ROCK2: variants seen among roughly 807,000 people sequenced by gnomAD.
The protein encoded by ROCK2 is rho-associated protein kinase 2.
Under a neutral mutation model 195.1 loss-of-function variants are expected in ROCK2, and 61 were observed. The ratio of observed to expected loss-of-function variants is 0.31; its 90% confidence interval spans 0.25 to 0.39. The LOEUF (loss-of-function observed/expected upper bound fraction) is 0.39. Among genes scored for constraint, ROCK2 ranks in the 10% least tolerant of loss-of-function variants. ROCK2 has a pLI of 1.00. For synonymous variants in ROCK2, 504 were observed against 545.5 expected (o/e 0.92, Z 1.06); for missense variants, 1,109 against 1,637.4 (o/e 0.68, Z 5.57).
intron 4 of ROCK2, 82 bp from the exon 5 acceptor site, chr2:11,236,044 A>G (rs1665192146): frequency 1.6e-6 from 2 of 1,266,582 alleles, no homozygotes; most frequent in South Asian, 4.2e-5. Context: ...AAAAACTATT[A>G]TTACTATTGA....
rs922185550 is a variant in ROCK2, at chr2:11,181,721, T to G, written c.*1716A>C. The G allele has an allele frequency of 3.4e-5, 5 of 145,572 alleles. No individual in the cohort carries two copies. Among genetic ancestry groups the G allele is most frequent in the African/African-American group, 5.0e-5 (2 of 39,768 alleles). The allele number at this position is 145,572 out of a possible 1,614,324, so 9.0% of individuals were successfully genotyped here. A position where few individuals can be genotyped will look rare whatever the true frequency, so the allele number is the denominator to read the frequency against. On this transcript the variant is annotated 3_prime_UTR_variant, in exon 33 of 33. Coordinates refer to ENST00000315872, the MANE Select transcript of ROCK2 (RefSeq NM_004850.5). The stretch of plus-strand genomic sequence containing the variant: ...CGATCTTCGCTCACTGCAACCACCG[T>G]CTCCTGGGTTCAAGCGATTCTCCTG...
chr2:11,272,763 G>A (rs79912720), intron 3 of ROCK2, among the ~76,000 whole-genome samples: 6,449 of 151,700 alleles, frequency 0.043, 277 homozygotes, highest in Non-Finnish European at 0.06. Flanking sequence ...CCAGCTACTC[G>A]GGAGGCTGAG....
chr2:11,317,915 T>A (rs1668276244), intron 1 of ROCK2, among the ~76,000 whole-genome samples: 1 of 151,890 alleles, frequency 6.6e-6, no homozygotes, highest in South Asian at 2.1e-4. Context: ...GGTTCCCAGC[T>A]TCATCCATGT....
At chr2:11,229,383 C>T (rs1337709930) in intron 5 of ROCK2, among the ~76,000 whole-genome samples, 2 of 151,644 alleles carry the variant, frequency 1.3e-5, no homozygotes, top group Non-Finnish European at 2.9e-5. Flanking sequence ...TTTAAATGAA[C>T]TGTGAGAAGG....
chr2:11,308,839 A>G, intron 1 of ROCK2: 1 of 1,611,706 alleles, frequency 6.2e-7, no homozygotes. Context: ...CAAATGTAAT[A>G]GAACTATACA....
chr2:11,220,429 G>T (rs1471054064), intron 9 of ROCK2, among the ~76,000 whole-genome samples: 2 of 152,012 alleles, frequency 1.3e-5, no homozygotes, highest in East Asian at 3.9e-4. Flanking sequence ...GATTACATGT[G>T]TGAATCACCA....
chr2:11,297,270 G>T (rs1268925394), intron 1 of ROCK2, among the ~76,000 whole-genome samples: 1 of 151,788 alleles, frequency 6.6e-6, no homozygotes, highest in African/African-American at 2.4e-5. Flanking sequence ...TTTTTGAATG[G>T]AAAGCAAAAA....
At chr2:11,330,195 A>T (rs1193291201) in intron 1 of ROCK2, among the ~76,000 whole-genome samples, 2 of 152,218 alleles carry the variant, frequency 1.3e-5, no homozygotes, top group Admixed American at 6.5e-5. Context: ...CTAGTTTCAG[A>T]TTTCACATTT....
chr2:11,304,603 G>A (rs1667798874), intron 1 of ROCK2, among the ~76,000 whole-genome samples: 1 of 152,164 alleles, frequency 6.6e-6, no homozygotes, highest in Non-Finnish European at 1.5e-5. Context: ...GAATGATGCT[G>A]TCACTCCTCT....
In ROCK2 at chr2:11,193,809, T is replaced by C. The variant is rs772636790; in HGVS notation, c.3657A>G (p.Ala1219=). Reference sequence around the variant, plus strand: ...ATATCCTTGGAATTTCTTTAGCATCTGCTCTATACACATCTGTCTGTGTAA... The same window carrying C: ...ATATCCTTGGAATTTCTTTAGCATCCGCTCTATACACATCTGTCTGTGTAA... ...RPVTQTDVYR[A]DAKEIPRIFQ... The change falls in exon 30 of 33, where the codon GCA becomes GCG. Residue 1219 remains alanine, a synonymous_variant. Coordinates refer to ENST00000315872, the MANE Select transcript of ROCK2 (RefSeq NM_004850.5). 9 of 1,597,124 alleles carry C rather than the reference T, an allele frequency of 5.6e-6. No individual in the cohort carries two copies. The highest frequency in any genetic ancestry group is 6.8e-6 in the Non-Finnish European group (8 of 1,171,620).
intron 20 of ROCK2, among the ~76,000 whole-genome samples, chr2:11,205,799 A>G (rs1305025958): frequency 1.3e-5 from 2 of 152,144 alleles, no homozygotes; most frequent in African/African-American, 4.8e-5. Flanking sequence ...AGGATGTAGT[A>G]TATGTAAAAC....
At chr2:11,298,762 A>G (rs755806987) in intron 1 of ROCK2, among the ~76,000 whole-genome samples, 8 of 152,180 alleles carry the variant, frequency 5.3e-5, no homozygotes, top group Non-Finnish European at 1.2e-4. Flanking sequence ...CCCATCTTCC[A>G]AAAGATGTTT....
At chr2:11,260,550 TTTGAA>T (rs1338616938) in intron 3 of ROCK2, among the ~76,000 whole-genome samples, 3 of 151,534 alleles carry the variant, frequency 2.0e-5, no homozygotes, top group African/African-American at 7.3e-5. Flanking sequence ...CAAATCAAAT[TTTGAA>T]TGCTTCCTAA....
At chr2:11,194,028 T>A in intron 29 of ROCK2, 171 bp from the exon 30 acceptor site, 1 of 450,124 alleles carries the variant, frequency 2.2e-6, no homozygotes, top group East Asian at 3.4e-5. Context: ...TAGAAACCTC[T>A]ATGTCAGAAA....
At chr2:11,186,049 T>C (rs944732012) in intron 32 of ROCK2, among the ~76,000 whole-genome samples, 12 of 152,338 alleles carry the variant, frequency 7.9e-5, no homozygotes, top group African/African-American at 2.9e-4. Flanking sequence ...CTGGTTAACT[T>C]TGAGAAACAC....
At chr2:11,283,333 G>A in intron 3 of ROCK2, among the ~76,000 whole-genome samples, 1 of 151,220 alleles carries the variant, frequency 6.6e-6, no homozygotes, top group Non-Finnish European at 1.5e-5. Context: ...GGCCGAGGCG[G>A]GTGGATCATG....
intron 1 of ROCK2, among the ~76,000 whole-genome samples, chr2:11,305,152 G>T (rs1014610857): frequency 1.3e-5 from 2 of 152,148 alleles, no homozygotes; most frequent in African/African-American, 4.8e-5. Flanking sequence ...GAGGAGGGTG[G>T]AACAACTGAG....
chr2:11,226,508 G>A (rs1230842019), intron 6 of ROCK2, among the ~76,000 whole-genome samples: 3 of 151,970 alleles, frequency 2.0e-5, no homozygotes, highest in Non-Finnish European at 4.4e-5. Context: ...AGTTGTTTAC[G>A]AAATCAATTA....
At chr2:11,276,281 C>T (rs979475532) in intron 3 of ROCK2, among the ~76,000 whole-genome samples, 1 of 152,110 alleles carries the variant, frequency 6.6e-6, no homozygotes, top group Non-Finnish European at 1.5e-5. Flanking sequence ...TGTAGACAAT[C>T]CTAAAGATCC....
Sources: allele counts gnomAD v4.1 joint callset (sites outside exome capture counted in the v4.1 genomes callset), GRCh38; gene constraint gnomAD v4.1.1; transcripts MANE v1.5; gene names NCBI Gene and HGNC (gene_info 2026-07-23, HGNC 2026-07-21).